The following RB1CC1 variants were observed in gnomAD, a reference collection of about 807,000 sequenced individuals.
RB1CC1 encodes RB1-inducible coiled-coil protein 1.
A neutral mutation model predicts 177.5 loss-of-function variants in RB1CC1; 46 were observed. That is an observed-to-expected ratio of 0.26 (90% CI 0.20 to 0.33). The LOEUF is 0.33. Ranked by LOEUF, RB1CC1 falls within the 10% of genes least tolerant of loss-of-function variation. The pLI, the probability that RB1CC1 is intolerant of heterozygous loss-of-function variation, is 1.00. For synonymous variants in RB1CC1, 666 were observed against 613.6 expected, an observed-to-expected ratio of 1.09 and a Z score of -1.26; for missense variants, 1,703 against 1,816.3, an observed-to-expected ratio of 0.94 and a Z score of 1.13.
Position 52,661,258 on chromosome 8 carries a change from T to G in RB1CC1, c.1382A>C (p.His461Pro). The change falls in exon 10 of 24, where the codon CAT becomes CCT. Residue 461 changes from histidine to proline, a missense_variant. Coordinates refer to ENST00000025008, the MANE Select transcript of RB1CC1 (RefSeq NM_014781.5). The stretch of plus-strand genomic sequence containing the variant: ...TAACTTCTCTCCATCTTGATCAGCA[T>G]GAAGCATTACAAAGCAACACCACCT... ...RLKWCCFVMLHADQDGEKLQA... is the reference protein window; with the variant it reads ...RLKWCCFVMLPADQDGEKLQA... The G allele has an allele frequency of 6.2e-7, 1 of 1,613,518 alleles. No homozygotes were observed.
At chr8:52,649,756 TAGGTAGATTTCCCAA>T (rs1850402800) in intron 15 of RB1CC1, among the ~76,000 whole-genome samples, 1 of 152,210 alleles carries the variant, frequency 6.6e-6, no homozygotes, top group Admixed American at 6.5e-5. Flanking sequence ...AATCATGTAG[TAGGTAGATTTCCCAA>T]CCCACGCAAA....
At chr8:52,683,061 C>T (rs1214997820) in intron 5 of RB1CC1, among the ~76,000 whole-genome samples, 2 of 152,010 alleles carry the variant, frequency 1.3e-5, no homozygotes, top group Non-Finnish European at 2.9e-5. Context: ...AATGATATTA[C>T]TAGAAGGTAA....
chr8:52,663,070 A>T (rs1374780422), intron 8 of RB1CC1, among the ~76,000 whole-genome samples: 4 of 152,116 alleles, frequency 2.6e-5, no homozygotes, highest in Non-Finnish European at 5.9e-5. Context: ...GCTCAACCAT[A>T]CTCAATATAA....
chr8:52,689,951 G>A (rs1308722278), intron 1 of RB1CC1, among the ~76,000 whole-genome samples: 2 of 152,066 alleles, frequency 1.3e-5, no homozygotes, highest in Non-Finnish European at 2.9e-5. Context: ...AAAAAAGGCA[G>A]TATCTACAGC....
chr8:52,703,972 C>G (rs1462843372), intron 1 of RB1CC1, among the ~76,000 whole-genome samples: 1 of 152,154 alleles, frequency 6.6e-6, no homozygotes, highest in Non-Finnish European at 1.5e-5. Context: ...GTTACATACT[C>G]CTATATGCTA....
chr8:52,673,791 AAAT>A (rs1423747544), intron 7 of RB1CC1, 51 bp downstream of exon 7: 60 of 1,435,312 alleles, frequency 4.2e-5, no homozygotes, highest in Non-Finnish European at 5.0e-5. Context: ...TATTTAGGAT[AAAT>A]AATATAAAGT....
intron 5 of RB1CC1, 95 bp from the exon 6 acceptor site, chr8:52,676,666 T>C (rs539994467): frequency 3.2e-5 from 34 of 1,068,488 alleles, no homozygotes; most frequent in South Asian, 2.0e-4. Flanking sequence ...TGTGGATGCG[T>C]TGTAGAGCAC....
chr8:52,658,215 AAG>A, intron 13 of RB1CC1, 91 bp from the exon 14 acceptor site: 1 of 1,303,770 alleles, frequency 7.7e-7, no homozygotes, highest in Non-Finnish European at 1.1e-6. Flanking sequence ...CAAAAATAAC[AAG>A]AGCCTTATCA....
chr8:52,711,255 C>G (rs911516004), intron 1 of RB1CC1, among the ~76,000 whole-genome samples: 1 of 152,050 alleles, frequency 6.6e-6, no homozygotes, highest in African/African-American at 2.4e-5. Context: ...CCAACAGAAC[C>G]GGAACTTTAC....
At chr8:52,680,233 A>C (rs1853570102) in intron 5 of RB1CC1, among the ~76,000 whole-genome samples, 1 of 152,212 alleles carries the variant, frequency 6.6e-6, no homozygotes, top group Non-Finnish European at 1.5e-5. Context: ...TTTCCTAAGA[A>C]CTTGGTCTAA....
intron 6 of RB1CC1, 58 bp downstream of exon 6, chr8:52,676,308 CCTA>C: frequency 6.8e-7 from 1 of 1,460,966 alleles, no homozygotes; most frequent in South Asian, 1.2e-5. Flanking sequence ...AGTAATTAAA[CCTA>C]CTGATAAATT....
At chr8:52,692,758 C>T (rs1855005039) in intron 1 of RB1CC1, among the ~76,000 whole-genome samples, 1 of 152,110 alleles carries the variant, frequency 6.6e-6, no homozygotes. Flanking sequence ...CAGATTTTCT[C>T]CCTTATGTGA....
chr8:52,707,433 T>TTTC (rs1856673640), intron 1 of RB1CC1, among the ~76,000 whole-genome samples: 1 of 40,086 alleles, frequency 2.5e-5, no homozygotes, highest in East Asian at 6.3e-3. Flanking sequence ...TCTTTCTTTC[T>TTTC]TTTTTTTTTT....
chr8:52,706,859 G>C (rs1023633050), intron 1 of RB1CC1, among the ~76,000 whole-genome samples: 2 of 151,680 alleles, frequency 1.3e-5, no homozygotes, highest in Non-Finnish European at 2.9e-5. Context: ...ACAGGGTTTC[G>C]CCATGCTGGC....
chr8:52,665,028 T>G (rs16918079), intron 8 of RB1CC1, among the ~76,000 whole-genome samples: 4,771 of 152,182 alleles, frequency 0.031, 283 homozygotes, highest in African/African-American at 0.11. Context: ...TAAGGTAAGA[T>G]AATTGAAAGC....
rs532396172 is a variant in RB1CC1, at chr8:52,654,796, G to A, written c.3821+1212C>T. Among the ~76,000 whole-genome samples, 8 of 152,034 alleles carry A rather than the reference G, an allele frequency of 5.3e-5. No individual in the cohort carries two copies. In the South Asian group the frequency reaches 1.7e-3, roughly 32 times the overall value. On this transcript the variant is annotated intron_variant, in intron 15 of 23. Coordinates refer to ENST00000025008, the MANE Select transcript of RB1CC1 (RefSeq NM_014781.5). ...CCCACCCTTGGTATTTTATTGCCCT[G>A]GCCTGCCTTCAGTAAGAATCCTGTT...
In RB1CC1 at chr8:52,642,450, C is replaced by G; in HGVS notation, c.4238G>C (p.Cys1413Ser). The G allele has an allele frequency of 6.2e-7, 1 of 1,614,116 alleles. No individual in the cohort carries two copies. ...VATAPELYGA[C>S]APELPGESDR... ...TGATTCACCTGGGAGTTCAGGTGCA[C>G]AAGCTCCATAAAGTTCTGGGGCTGT... The change falls in exon 18 of 24, where the codon TGT becomes TCT. Residue 1413 changes from cysteine to serine, a missense_variant. By Grantham distance (112) the Cys-to-Ser change is moderately radical. Transcript: ENST00000025008.
rs745737926 is a variant in RB1CC1 at position 52,658,131 on chromosome 8, C to T, written c.1794-7G>A. ...GTCACAAAGTAAGGGAACCCTGAAA[C>T]AGAATGCAATGCAATTAGACTTCTG... On this transcript the variant is annotated splice_region_variant and splice_polypyrimidine_tract_variant and intron_variant, in intron 13 of 23. Coordinates refer to ENST00000025008, the MANE Select transcript of RB1CC1 (RefSeq NM_014781.5). 7.5e-6 allele frequency: 12 copies of T among 1,608,038 alleles called. No homozygotes were observed. Among genetic ancestry groups the T allele is most frequent in the Non-Finnish European group, 1.0e-5 (12 of 1,178,410 alleles).
At chr8:52,649,091 G>T (rs143640783) in intron 15 of RB1CC1, among the ~76,000 whole-genome samples, 2 of 152,168 alleles carry the variant, frequency 1.3e-5, no homozygotes, top group African/African-American at 4.8e-5. Context: ...GAACCATGGG[G>T]TAAGTGAAAC....
Sources: gnomAD v4.1 joint callset for allele counts (sites outside exome capture counted in the v4.1 genomes callset) on GRCh38, gnomAD v4.1.1 for gene constraint, MANE v1.5 for transcripts, NCBI Gene and HGNC (gene_info 2026-07-23, HGNC 2026-07-21) for gene names.